The following RHOBTB1 variants were observed in gnomAD, a reference collection of about 807,000 sequenced individuals.
RHOBTB1 encodes rho-related BTB domain-containing protein 1.
A neutral mutation model predicts 71.6 loss-of-function variants in RHOBTB1; 40 were observed. The ratio of observed to expected loss-of-function variants is 0.56; its 90% confidence interval spans 0.43 to 0.73. The LOEUF (loss-of-function observed/expected upper bound fraction) is 0.73, where lower values mean the gene tolerates loss of function less well. Ranked by LOEUF, RHOBTB1 falls within the 30% of genes least tolerant of loss-of-function variation. The pLI, the probability that RHOBTB1 is intolerant of heterozygous loss-of-function variation, is 0.00. For missense variants in RHOBTB1, 797 were observed against 894.0 expected, an observed-to-expected ratio of 0.89 and a Z score of 1.38; for synonymous variants, 319 against 334.9, an observed-to-expected ratio of 0.95 and a Z score of 0.52.
intron 4 of RHOBTB1, among the ~76,000 whole-genome samples, chr10:60,897,415 T>C (rs1298855357): frequency 6.6e-6 from 1 of 152,250 alleles, no homozygotes; most frequent in Non-Finnish European, 1.5e-5. Flanking sequence ...AGTTTGACTT[T>C]CCTTTTCTAG....
rs964627415 is a variant in RHOBTB1 at position 60,966,181 on chromosome 10, T to G, written c.-62+19664A>C. Among the ~76,000 whole-genome samples the G allele has an allele frequency of 2.6e-5, 4 of 152,134 alleles. No individual in the cohort carries two copies. The East Asian group carries it at 7.7e-4, about 29-fold the overall frequency. On this transcript the variant is annotated intron_variant, in intron 2 of 11. Transcript: ENST00000357917. ...AAAAATTCTAAACATACCAAAAAAC[T>G]TTTAATATTAGTTTTCTCTGATGTT... is the stretch of plus-strand genomic sequence containing the variant.
intron 2 of RHOBTB1, among the ~76,000 whole-genome samples, chr10:60,956,842 T>G (rs10994582): frequency 0.51 from 76,772 of 151,738 alleles, 19,779 homozygotes; most frequent in East Asian, 0.77. Context: ...AAGCATTCCC[T>G]CCATCTAAAT....
chr10:60,871,297 C>A lies in RHOBTB1; in HGVS notation c.*185G>T. The A allele has an allele frequency of 1.8e-6, 1 of 544,896 alleles. No homozygotes were observed. The highest frequency in any genetic ancestry group is 3.1e-6 in the Non-Finnish European group (1 of 317,784). The allele number at this position is 544,896 out of a possible 1,614,324, so 33.8% of individuals were successfully genotyped here. A position where few individuals can be genotyped will look rare whatever the true frequency, so the allele number is the denominator to read the frequency against. ...GAGTCAGCTTCCCTTTTTGTCCAGG[C>A]TCATTGATGGTGAGCTTGTGCTTTG... On this transcript the variant is annotated 3_prime_UTR_variant, in exon 11 of 11. Transcript: ENST00000337910.
chr10:60,860,942 G>A, the RHOBTB1 span, among the ~76,000 whole-genome samples: 1 of 152,148 alleles, frequency 6.6e-6, no homozygotes, highest in Non-Finnish European at 1.5e-5. Flanking sequence ...CAAAGACTGA[G>A]TCTCATACTA....
chr10:60,893,800 T>A (rs1311723943), intron 4 of RHOBTB1, among the ~76,000 whole-genome samples: 1 of 152,138 alleles, frequency 6.6e-6, no homozygotes, highest in Non-Finnish European at 1.5e-5. Flanking sequence ...ATTCTAGGAG[T>A]CAAAGAACTA....
chr10:60,987,532 A>C (rs2086706865), intron 1 of RHOBTB1, among the ~76,000 whole-genome samples: 1 of 152,076 alleles, frequency 6.6e-6, no homozygotes, highest in Admixed American at 6.5e-5. Flanking sequence ...TGACATATCC[A>C]AGGTCACTGT....
chr10:60,902,770 A>C (rs1470373638), intron 4 of RHOBTB1, among the ~76,000 whole-genome samples: 1 of 152,210 alleles, frequency 6.6e-6, no homozygotes, highest in African/African-American at 2.4e-5. Flanking sequence ...ACAAAAGGGC[A>C]TATATAAAAT....
chr10:60,902,332 G>C (rs959435993), intron 4 of RHOBTB1, among the ~76,000 whole-genome samples: 59 of 152,232 alleles, frequency 3.9e-4, no homozygotes, highest in African/African-American at 1.3e-3. Flanking sequence ...ACACGTATCT[G>C]TTTGTTTTGG....
At chr10:60,920,388 G>A (rs1399727937) in intron 2 of RHOBTB1, among the ~76,000 whole-genome samples, 1 of 152,134 alleles carries the variant, frequency 6.6e-6, no homozygotes, top group African/African-American at 2.4e-5. Context: ...CCTGTCTGAA[G>A]AGGCCTCATT....
intron 8 of RHOBTB1, among the ~76,000 whole-genome samples, chr10:60,875,314 G>A (rs931803036): frequency 6.6e-6 from 1 of 152,156 alleles, no homozygotes; most frequent in African/African-American, 2.4e-5. Flanking sequence ...TTCTGTGCAG[G>A]ATGATAACTC....
At chr10:60,875,077 C>A (rs777192982) in intron 8 of RHOBTB1, 35 bp from the exon 9 acceptor site, 44 of 1,541,624 alleles carry the variant, frequency 2.9e-5, no homozygotes, top group Non-Finnish European at 3.9e-5. Flanking sequence ...GAACATTAAA[C>A]CACGCCCTGC....
intron 4 of RHOBTB1, among the ~76,000 whole-genome samples, chr10:60,901,659 C>T (rs752073417): frequency 6.6e-6 from 1 of 152,116 alleles, no homozygotes. Flanking sequence ...CAGAAAGTTC[C>T]AGTATAAACA....
At position 60,892,542 on chromosome 10, in the gene RHOBTB1, G is replaced by A. The variant is rs535833129; in HGVS notation, c.482+268C>T. On this transcript the variant is annotated intron_variant, in intron 5 of 10. Transcript: ENST00000337910. ...TCTAATACTTTATACTTTTCAAAGT[G>A]CTTTTAATCACACACTTTCATAATT... Among the ~76,000 whole-genome samples the A allele has an allele frequency of 8.5e-5, 13 of 152,274 alleles. No individual in the cohort carries two copies. In the East Asian group the frequency reaches 2.3e-3, roughly 27 times the overall value.
intron 7 of RHOBTB1, among the ~76,000 whole-genome samples, chr10:60,879,507 T>G (rs982568762): frequency 6.6e-6 from 1 of 151,634 alleles, no homozygotes; most frequent in African/African-American, 2.4e-5. Context: ...TAATTTATTT[T>G]ATTAATTTTT....
At chr10:60,881,765 T>C (rs939174607) in intron 7 of RHOBTB1, among the ~76,000 whole-genome samples, 1 of 152,160 alleles carries the variant, frequency 6.6e-6, no homozygotes. Flanking sequence ...AATAGCAAAA[T>C]GAACATCCTA....
intron 2 of RHOBTB1, among the ~76,000 whole-genome samples, chr10:60,955,674 A>T (rs1347957047): frequency 7.7e-4 from 117 of 152,266 alleles, no homozygotes; most frequent in African/African-American, 2.7e-3. Context: ...GACTCAGTGT[A>T]AGAAAGCCTT....
At chr10:60,924,550 G>C (rs1056306766) in intron 2 of RHOBTB1, among the ~76,000 whole-genome samples, 1 of 152,164 alleles carries the variant, frequency 6.6e-6, no homozygotes, top group African/African-American at 2.4e-5. Flanking sequence ...GTAAGAGCCA[G>C]GGACTTCAGT....
At chr10:60,925,167 T>A (rs2083796195) in intron 2 of RHOBTB1, among the ~76,000 whole-genome samples, 1 of 152,196 alleles carries the variant, frequency 6.6e-6, no homozygotes, top group Non-Finnish European at 1.5e-5. Flanking sequence ...ACCATGATTA[T>A]AAGCTTCCTG....
chr10:60,959,683 T>C (rs938371626), intron 2 of RHOBTB1, among the ~76,000 whole-genome samples: 4 of 152,200 alleles, frequency 2.6e-5, no homozygotes, highest in Non-Finnish European at 5.9e-5. Context: ...TCTCTGCCAC[T>C]TTCCAGTTAT....
Sources: allele counts gnomAD v4.1 joint callset (sites outside exome capture counted in the v4.1 genomes callset), GRCh38; gene constraint gnomAD v4.1.1; transcripts MANE v1.5; gene names NCBI Gene and HGNC (gene_info 2026-07-23, HGNC 2026-07-21).